The following TMEM200A variants were observed in gnomAD, a reference collection of about 807,000 sequenced individuals.
The protein encoded by TMEM200A is transmembrane protein 200A, also known as two transmembrane C.
TMEM200A carries 12 observed loss-of-function variants against 24.3 expected under a neutral mutation model. The observed-to-expected ratio is 0.49, with a 90% confidence interval of 0.32 to 0.80. TMEM200A has a LOEUF of 0.80. Among genes scored for constraint, TMEM200A ranks in the 30% least tolerant of loss-of-function variants. The pLI is 0.04. For missense variants in TMEM200A, 545 were observed against 614.4 expected, an observed-to-expected ratio of 0.89 and a Z score of 1.19; for synonymous variants, 224 against 224.4, an observed-to-expected ratio of 1.00 and a Z score of 0.02.
At chr6:130,427,252 T>G (rs765610412) in intron 2 of TMEM200A, among the ~76,000 whole-genome samples, 1 of 152,216 alleles carries the variant, frequency 6.6e-6, no homozygotes, top group Non-Finnish European at 1.5e-5. Flanking sequence ...TACATATAAG[T>G]GAGAGTTCTG....
chr6:130,425,221 T>TAAAC (rs1352323818), intron 2 of TMEM200A, among the ~76,000 whole-genome samples: 6 of 152,148 alleles, frequency 3.9e-5, no homozygotes, highest in South Asian at 2.1e-4. Flanking sequence ...AAATCAATGT[T>TAAAC]AAACATCACA....
chr6:130,423,765 A>T (rs117972756), intron 2 of TMEM200A, among the ~76,000 whole-genome samples: 2 of 152,168 alleles, frequency 1.3e-5, no homozygotes, highest in Non-Finnish European at 2.9e-5. Flanking sequence ...AATAAGATAC[A>T]TAAGAAACTA....
intron 2 of TMEM200A, among the ~76,000 whole-genome samples, chr6:130,417,163 A>T (rs1259141297): frequency 4.6e-5 from 7 of 152,180 alleles, no homozygotes; most frequent in Non-Finnish European, 1.0e-4. Flanking sequence ...TGAGTTGTTC[A>T]TCATTTTATC....
At chr6:130,394,526 G>A (rs1022835124) in intron 2 of TMEM200A, among the ~76,000 whole-genome samples, 1 of 152,200 alleles carries the variant, frequency 6.6e-6, no homozygotes, top group African/African-American at 2.4e-5. Context: ...CTCTGGGGAG[G>A]TGGGGGATTC....
intron 2 of TMEM200A, 101 bp from the exon 3 acceptor site, chr6:130,440,306 C>T (rs940102817): frequency 5.6e-6 from 7 of 1,258,042 alleles, no homozygotes; most frequent in Non-Finnish European, 7.2e-6. Context: ...GAAACTGCAA[C>T]AGCAACAAAA....
chr6:130,365,991 T>A (rs927282687), upstream of TMEM200A: 1 of 985,368 alleles, frequency 1.0e-6, no homozygotes, highest in African/African-American at 1.7e-5. Context: ...CGGGGCTTTA[T>A]GGCGTGAGGT....
At chr6:130,400,107 T>TAC (rs563062452) in intron 2 of TMEM200A, among the ~76,000 whole-genome samples, 5,165 of 150,464 alleles carry the variant, frequency 0.034, 110 homozygotes, top group African/African-American at 0.065. Context: ...TATATATATA[T>TAC]ACACACACAC....
At chr6:130,425,293 T>C (rs957788907) in intron 2 of TMEM200A, among the ~76,000 whole-genome samples, 10 of 149,018 alleles carry the variant, frequency 6.7e-5, no homozygotes, top group African/African-American at 2.2e-4. Flanking sequence ...TTATAATTGG[T>C]CTGGATTGAA....
At chr6:130,416,867 GC>G (rs1779469096) in intron 2 of TMEM200A, among the ~76,000 whole-genome samples, 1 of 151,952 alleles carries the variant, frequency 6.6e-6, no homozygotes, top group African/African-American at 2.4e-5. Context: ...TCACTCACCT[GC>G]CTGCCCAAGC....
chr6:130,442,017 A>G lies in TMEM200A; in HGVS notation c.*119A>G. On this transcript the variant is annotated 3_prime_UTR_variant, in exon 3 of 3. Coordinates refer to ENST00000296978, the MANE Select transcript of TMEM200A (RefSeq NM_001258277.2). ...ATCAAATGGTTTGTAGTGTATTAGA[A>G]TTGGCTGCTTAGTTCTGTAATGAAG... 1 of 1,036,116 alleles carries G rather than the reference A, an allele frequency of 9.7e-7. No homozygotes were observed. The highest frequency in any genetic ancestry group is 1.4e-6 in the Non-Finnish European group (1 of 724,804). The allele number at this position is 1,036,116 out of a possible 1,614,324, so 64.2% of individuals were successfully genotyped here.
At chr6:130,398,734 A>G (rs763437291) in intron 2 of TMEM200A, among the ~76,000 whole-genome samples, 1 of 152,042 alleles carries the variant, frequency 6.6e-6, no homozygotes, top group African/African-American at 2.4e-5. Context: ...TGTAATGATT[A>G]GTGATGATGA....
At chr6:130,372,569 G>GGA (rs963463310) in intron 1 of TMEM200A, among the ~76,000 whole-genome samples, 1 of 152,110 alleles carries the variant, frequency 6.6e-6, no homozygotes, top group African/African-American at 2.4e-5. Flanking sequence ...ATATAGAGAG[G>GGA]GAGAGAGGAC....
At chr6:130,431,813 C>T (rs187553186) in intron 2 of TMEM200A, among the ~76,000 whole-genome samples, 1 of 152,154 alleles carries the variant, frequency 6.6e-6, no homozygotes, top group East Asian at 1.9e-4. Flanking sequence ...GAAGGCATTA[C>T]TAACAGAACA....
chr6:130,413,650 CTTCTTGCTTCCA>C lies in TMEM200A; in HGVS notation c.-16-26749_-16-26738del, dbSNP rs571233793. ...CCACCAACATCCTTCACCTGGTCTA[CTTCTTGCTTCCA>C]TTCTTGCCACTTTGGGAATAATTAT... On this transcript the variant is annotated intron_variant, in intron 2 of 2. Transcript: ENST00000296978. Among the ~76,000 whole-genome samples the C allele has an allele frequency of 5.8e-3, 877 of 152,264 alleles. 6 individuals are homozygous for C. Among genetic ancestry groups the C allele is most frequent in the African/African-American group, 0.02 (830 of 41,564 alleles).
chr6:130,370,635 A>G (rs1411104896), intron 1 of TMEM200A, among the ~76,000 whole-genome samples: 1 of 152,166 alleles, frequency 6.6e-6, no homozygotes, highest in Non-Finnish European at 1.5e-5. Context: ...CCTTTCTCCC[A>G]AGCAAGGTAT....
intron 2 of TMEM200A, among the ~76,000 whole-genome samples, chr6:130,394,513 C>A (rs12206635): frequency 0.15 from 22,296 of 152,150 alleles, 1,852 homozygotes; most frequent in East Asian, 0.35. Context: ...TCTGCACAGT[C>A]TGCTCTGGGG....
At chr6:130,424,834 A>T (rs1779690569) in intron 2 of TMEM200A, among the ~76,000 whole-genome samples, 1 of 152,138 alleles carries the variant, frequency 6.6e-6, no homozygotes, top group Non-Finnish European at 1.5e-5. Flanking sequence ...TCTTAAGCCT[A>T]AACCCCAGCC....
chr6:130,380,445 A>T (rs1778569615), intron 1 of TMEM200A, among the ~76,000 whole-genome samples: 1 of 152,246 alleles, frequency 6.6e-6, no homozygotes, highest in East Asian at 1.9e-4. Flanking sequence ...TAAGGAAAGT[A>T]TAAAATTTAA....
intron 1 of TMEM200A, among the ~76,000 whole-genome samples, chr6:130,384,406 T>G (rs7751970): frequency 0.028 from 4,201 of 152,250 alleles, 69 homozygotes; most frequent in African/African-American, 0.043. Context: ...CAAATACTTG[T>G]GCTCAAGTAA....
Sources: gnomAD v4.1 joint callset for allele counts (sites outside exome capture counted in the v4.1 genomes callset) on GRCh38, gnomAD v4.1.1 for gene constraint, MANE v1.5 for transcripts, NCBI Gene and HGNC (gene_info 2026-07-23, HGNC 2026-07-21) for gene names.